SOX6: variants seen among roughly 807,000 people sequenced by gnomAD.
The protein encoded by SOX6 is SRY-box transcription factor 6.
A neutral mutation model predicts 97.8 loss-of-function variants in SOX6; 11 were observed. The ratio of observed to expected loss-of-function variants is 0.11; its 90% CI spans 0.07 to 0.19. The LOEUF (loss-of-function observed/expected upper bound fraction) is 0.19. Among genes scored for constraint, SOX6 ranks in the 10% least tolerant of loss-of-function variants. The pLI is 1.00. For missense variants in SOX6, 810 were observed against 1,039.5 expected, an observed-to-expected ratio of 0.78 and a Z score of 3.04; for synonymous variants, 360 against 371.4, an observed-to-expected ratio of 0.97 and a Z score of 0.35.
intron 3 of SOX6, among the ~76,000 whole-genome samples, chr11:16,639,806 T>G (rs1313411219): frequency 1.3e-5 from 2 of 152,200 alleles, no homozygotes; most frequent in East Asian, 1.9e-4. Flanking sequence ...AAGGAGATTT[T>G]GGGCTGAGAC....
chr11:16,542,198 G>T (rs1334775311), intron 4 of SOX6, among the ~76,000 whole-genome samples: 1 of 152,140 alleles, frequency 6.6e-6, no homozygotes, highest in Non-Finnish European at 1.5e-5. Flanking sequence ...ATCATTCTCA[G>T]CAAACTATCA....
intron 1 of SOX6, among the ~76,000 whole-genome samples, chr11:16,453,240 C>T (rs1019076023): frequency 2.6e-5 from 4 of 151,976 alleles, no homozygotes; most frequent in African/African-American, 9.7e-5. Context: ...TGTTAAGAAA[C>T]TAGGGGGAAA....
intron 3 of SOX6, among the ~76,000 whole-genome samples, chr11:16,296,006 G>A (rs1163803363): frequency 6.6e-6 from 1 of 151,994 alleles, no homozygotes; most frequent in Non-Finnish European, 1.5e-5. Flanking sequence ...CTAGTCCTGG[G>A]GCAAAGATGA....
At chr11:16,482,808 G>A (rs1860365968) in intron 4 of SOX6, among the ~76,000 whole-genome samples, 1 of 152,124 alleles carries the variant, frequency 6.6e-6, no homozygotes, top group African/African-American at 2.4e-5. Context: ...TTAAAGAAGG[G>A]TCAAGAGTTA....
At chr11:16,039,830 G>C (rs1464066794) in intron 12 of SOX6, among the ~76,000 whole-genome samples, 1 of 151,878 alleles carries the variant, frequency 6.6e-6, no homozygotes, top group Non-Finnish European at 1.5e-5. Context: ...TGGTTGATAA[G>C]TCCCACATAA....
At chr11:16,106,597 A>G (rs1849094441) in intron 7 of SOX6, among the ~76,000 whole-genome samples, 1 of 152,008 alleles carries the variant, frequency 6.6e-6, no homozygotes, top group Non-Finnish European at 1.5e-5. Context: ...ATCAACTCAA[A>G]TGGATCAAAG....
At chr11:16,405,827 T>C (rs909925608) in intron 1 of SOX6, among the ~76,000 whole-genome samples, 1 of 152,058 alleles carries the variant, frequency 6.6e-6, no homozygotes, top group African/African-American at 2.4e-5. Flanking sequence ...TTTTACACCA[T>C]GTTGTCTTTA....
chr11:16,563,556 C>T (rs1285385450), intron 4 of SOX6, among the ~76,000 whole-genome samples: 1 of 152,082 alleles, frequency 6.6e-6, no homozygotes, highest in Non-Finnish European at 1.5e-5. Context: ...TAGAATATAT[C>T]CAATCTAAAT....
chr11:16,468,679 G>A (rs1332948655), intron 1 of SOX6, among the ~76,000 whole-genome samples: 5 of 152,148 alleles, frequency 3.3e-5, no homozygotes, highest in Non-Finnish European at 7.4e-5. Context: ...AATCAATACA[G>A]TTTTACTTCC....
Position 16,370,843 on chromosome 11 carries a change from T to C in SOX6, c.-4-29591A>G, listed in dbSNP as rs538327884. On this transcript the variant is annotated intron_variant, in intron 1 of 15. Transcript: ENST00000396356. Reference sequence around the variant, plus strand: ...CTTCATTCAACATATATTCGGAATATAACCACTTCTCACTACCTCCACTAC... The same window carrying C: ...CTTCATTCAACATATATTCGGAATACAACCACTTCTCACTACCTCCACTAC... Among the ~76,000 whole-genome samples the C allele has an allele frequency of 1.5e-3, 221 of 152,226 alleles. 1 individual carries two copies. Among genetic ancestry groups the C allele is most frequent in the Middle Eastern group, 3.4e-3 (1 of 294 alleles).
At chr11:16,496,397 CAGA>C in intron 4 of SOX6, among the ~76,000 whole-genome samples, 1 of 151,738 alleles carries the variant, frequency 6.6e-6, no homozygotes, top group Admixed American at 6.5e-5. Flanking sequence ...GTGAGAAACG[CAGA>C]AGATGGGTGA....
At chr11:16,734,298 CTG>C (rs1848374571) in intron 2 of SOX6, among the ~76,000 whole-genome samples, 1 of 152,170 alleles carries the variant, frequency 6.6e-6, no homozygotes, top group African/African-American at 2.4e-5. Flanking sequence ...TTTCAAGATT[CTG>C]TGTTAGACCC....
chr11:16,069,895 G>A (rs1312648182), intron 9 of SOX6, among the ~76,000 whole-genome samples: 2 of 152,164 alleles, frequency 1.3e-5, no homozygotes, highest in African/African-American at 4.8e-5. Flanking sequence ...GGTGGCTCAC[G>A]CCTGTAATCC....
intron 1 of SOX6, among the ~76,000 whole-genome samples, chr11:16,379,104 T>C (rs890981746): frequency 1.2e-4 from 19 of 152,266 alleles, no homozygotes; most frequent in South Asian, 1.2e-3. Flanking sequence ...TCAAACCCTG[T>C]CATCAACAAT....
intron 6 of SOX6, among the ~76,000 whole-genome samples, chr11:16,127,844 C>T (rs1849645193): frequency 6.6e-6 from 1 of 152,100 alleles, no homozygotes; most frequent in East Asian, 1.9e-4. Context: ...AGAAAGATGT[C>T]TAGACCCCAC....
At chr11:16,510,988 A>G (rs1452297248) in intron 4 of SOX6, among the ~76,000 whole-genome samples, 1 of 152,168 alleles carries the variant, frequency 6.6e-6, no homozygotes, top group Non-Finnish European at 1.5e-5. Flanking sequence ...AATAAAAAAA[A>G]TCAGCTTGCA....
chr11:16,184,568 G>GTGT (rs1453450299), intron 5 of SOX6, among the ~76,000 whole-genome samples: 1 of 152,054 alleles, frequency 6.6e-6, no homozygotes, highest in Non-Finnish European at 1.5e-5. Context: ...TGAGAACAAT[G>GTGT]TGTTTATTTC....
At chr11:16,183,985 A>T (rs1216398107) in intron 5 of SOX6, 31 bp from the exon 6 acceptor site, 1 of 1,595,240 alleles carries the variant, frequency 6.3e-7, no homozygotes, top group Admixed American at 1.7e-5. Flanking sequence ...TTAAGTTAAA[A>T]TGAAATGCTT....
At chr11:16,109,358 G>T (rs1387578195) in intron 7 of SOX6, among the ~76,000 whole-genome samples, 3 of 152,006 alleles carry the variant, frequency 2.0e-5, no homozygotes, top group Non-Finnish European at 4.4e-5. Context: ...ACACCACCAT[G>T]CTTTGCTAAC....
Sources: allele counts gnomAD v4.1 joint callset (sites outside exome capture counted in the v4.1 genomes callset), GRCh38; gene constraint gnomAD v4.1.1; transcripts MANE v1.5; gene names NCBI Gene and HGNC (gene_info 2026-07-23, HGNC 2026-07-21).